The following NDOR1 variants were observed in gnomAD, a reference collection of about 807,000 sequenced individuals.
NDOR1 encodes the protein NADPH-dependent diflavin oxidoreductase 1.
A neutral mutation model predicts 67.2 loss-of-function variants in NDOR1; 61 were observed. That is an observed-to-expected ratio of 0.91 (90% CI 0.74 to 1.12). The LOEUF is 1.12. NDOR1 is among the 50% of genes most tolerant of loss of function. NDOR1 has a pLI of 0.00. For synonymous variants in NDOR1, 378 were observed against 343.7 expected, an observed-to-expected ratio of 1.10 and a Z score of -1.10; for missense variants, 878 against 802.8, an observed-to-expected ratio of 1.09 and a Z score of -1.13.
At chr9:137,211,327 A>C (rs1227834962) in intron 2 of NDOR1, among the ~76,000 whole-genome samples, 1 of 152,238 alleles carries the variant, frequency 6.6e-6, no homozygotes, top group Non-Finnish European at 1.5e-5. Context: ...CCCCATGCCC[A>C]GGAAGGGCCC....
rs1164088158 is a variant in NDOR1, at chr9:137,217,802, C to G, written c.*1386C>G. On this transcript the variant is annotated 3_prime_UTR_variant, in exon 14 of 14. Transcript: ENST00000684003. ...TGACTCCTGCCCCAGGGCCACCACCCCTGAACTGTGCCCTGGGGCCCCCAC... is the reference window on the plus strand; with the variant it reads ...TGACTCCTGCCCCAGGGCCACCACCGCTGAACTGTGCCCTGGGGCCCCCAC... The G allele has an allele frequency of 5.0e-6, 2 of 397,174 alleles. No homozygotes were observed. The highest frequency in any genetic ancestry group is 6.2e-4 in the Middle Eastern group (1 of 1,608). The allele number at this position is 397,174 out of a possible 1,614,324, so 24.6% of individuals were successfully genotyped here.
intron 2 of NDOR1, among the ~76,000 whole-genome samples, chr9:137,209,103 A>G (rs1358886319): frequency 2.6e-5 from 4 of 151,944 alleles, no homozygotes; most frequent in Non-Finnish European, 5.9e-5. Flanking sequence ...GGATGATCTC[A>G]ATCTCCTGAC....
rs1259047785 is a variant in NDOR1 at position 137,214,062 on chromosome 9, G to A, written c.506G>A (p.Gly169Glu). ...PPPGLTEIPP[G>E]VPLPSKFTLL... ...CCGGGCCTCACTGAGATCCCTCCCG[G>A]AGTCCCGTGAGTGTGGGCCCCGGGT... The change falls in exon 5 of 14, where the codon GGA (glycine) becomes GAA (glutamate). Residue 169 changes from glycine (G) to glutamate (E), a missense_variant. Transcript: ENST00000684003. 6.5e-7 allele frequency: 1 copy of A among 1,539,656 alleles called. No individual in the cohort carries two copies. Among genetic ancestry groups the A allele is most frequent in the South Asian group, 1.2e-5 (1 of 84,162 alleles).
In NDOR1 at chr9:137,214,815, A is replaced by G; in HGVS notation, c.862A>G (p.Arg288Gly). ...CCCTGCAGATGTCTCCTCCCCCACG[A>G]GGCTGCCCCAGCCCTGCTCCATGCG... ...PREPDVSSPT[R>G]LPQPCSMRHL... The change falls in exon 8 of 14, where the codon AGG becomes GGG. Residue 288 changes from arginine to glycine, a missense_variant. Coordinates refer to ENST00000684003, the MANE Select transcript of NDOR1 (RefSeq NM_014434.4). 6.2e-7 allele frequency: 1 copy of G among 1,604,600 alleles called. No individual in the cohort carries two copies. The highest frequency in any genetic ancestry group is 8.5e-7 in the Non-Finnish European group (1 of 1,178,548).
intron 2 of NDOR1, among the ~76,000 whole-genome samples, chr9:137,208,592 T>G (rs1033691835): frequency 6.6e-6 from 1 of 151,824 alleles, no homozygotes; most frequent in Non-Finnish European, 1.5e-5. Context: ...ATCCCAGCAA[T>G]TTGGGAGGCC....
chr9:137,212,755 G>T lies in NDOR1; in HGVS notation c.311+156G>T, dbSNP rs1018949973. 2.5e-5 allele frequency: 17 copies of T among 672,842 alleles called. No individual in the cohort carries two copies. In the East Asian group the frequency reaches 4.6e-4, roughly 18 times the overall value. The allele number at this position is 672,842 out of a possible 1,614,324, so 41.7% of individuals were successfully genotyped here. A position where few individuals can be genotyped will look rare whatever the true frequency, so the allele number is the denominator to read the frequency against. On this transcript the variant is annotated intron_variant, in intron 3 of 13. Transcript: ENST00000684003. This position sits in a 1 kb window ranked among gnomAD's most constrained non-coding sequence, Gnocchi z 4.3. ...GCTTCTCCACAACGCTCCCTGGTGGGCACCCCAGGCTTCACGCTGCGGGGA... is the reference window on the plus strand; with the variant it reads ...GCTTCTCCACAACGCTCCCTGGTGGTCACCCCAGGCTTCACGCTGCGGGGA...
At chr9:137,215,548 C>T (rs777635386) in intron 10 of NDOR1, 27 bp downstream of exon 10, 12 of 1,611,496 alleles carry the variant, frequency 7.4e-6, no homozygotes, top group East Asian at 2.2e-5. Context: ...GGGTGGGGGC[C>T]GTGGGCCCAT....
At chr9:137,210,451 C>T (rs1835200110) in intron 2 of NDOR1, among the ~76,000 whole-genome samples, 1 of 151,170 alleles carries the variant, frequency 6.6e-6, no homozygotes, top group Non-Finnish European at 1.5e-5. Flanking sequence ...CTCAAGCAGT[C>T]TGCCTGCCTC....
chr9:137,213,863 A>G lies in NDOR1; in HGVS notation c.395A>G (p.Asp132Gly). Residue 132 changes from aspartate (D) to glycine (G), a missense_variant, in exon 4 of 14, where the codon GAC (aspartate) becomes GGC (glycine). Transcript: ENST00000684003. The part of the protein sequence containing the change: ...SALLPVCLGD[D>G]QHELGPDAAV... ...CTCCTGCCCGTGTGCCTGGGCGATG[A>G]CCAGCATGAGCTGGGGTGAGTCTGC... 1 of 1,610,512 alleles carries G rather than the reference A, an allele frequency of 6.2e-7. No individual in the cohort carries two copies. Among genetic ancestry groups the G allele is most frequent in the Non-Finnish European group, 8.5e-7 (1 of 1,178,930 alleles).
chr9:137,215,384 C>T lies in NDOR1; in HGVS notation c.1174-23C>T, dbSNP rs763677047. ...GGTGAGGGCAGCCTTGTTCCACCAC[C>T]CCCACCCCGCCGTCCTCCCCAGACT... On this transcript the variant is annotated intron_variant, in intron 9 of 13. Coordinates refer to ENST00000684003, the MANE Select transcript of NDOR1 (RefSeq NM_014434.4). 1.9e-6 allele frequency: 3 copies of T among 1,564,426 alleles called. No individual in the cohort carries two copies. The African/African-American group carries it at 4.1e-5, about 21-fold the overall frequency.
In NDOR1 at chr9:137,212,960, T is replaced by C. The variant is rs1835334955; in HGVS notation, c.311+361T>C. 6.9e-6 allele frequency: 2 copies of C among 288,658 alleles called. No homozygotes were observed. Among genetic ancestry groups the C allele is most frequent in the African/African-American group, 2.2e-5 (1 of 46,500 alleles). The allele number at this position is 288,658 out of a possible 1,614,324, so 17.9% of individuals were successfully genotyped here. A position where few individuals can be genotyped will look rare whatever the true frequency, so the allele number is the denominator to read the frequency against. ...GCCACCCCAGAGGCCACCTCTGCCT[T>C]TTCTCCTGGGCATTTTCACAGTGCT... is the stretch of plus-strand genomic sequence containing the variant. On this transcript the variant is annotated intron_variant, in intron 3 of 13. Transcript: ENST00000684003. The surrounding 1 kb of genome is among the most constrained non-coding windows in gnomAD (Gnocchi z 4.3).
At chr9:137,214,457 G>C (rs768704351) in intron 6 of NDOR1, 44 bp downstream of exon 6, 3 of 1,544,974 alleles carry the variant, frequency 1.9e-6, no homozygotes. Flanking sequence ...GAGGTGGGCC[G>C]TGGGTCTGGG....
At chr9:137,206,113 C>T (rs972190130) in intron 1 of NDOR1, 119 bp from the exon 2 acceptor site, 89 of 1,461,848 alleles carry the variant, frequency 6.1e-5, no homozygotes, top group Non-Finnish European at 8.1e-5. Context: ...GACGGTCTGG[C>T]TGCTCACATA....
chr9:137,210,480 GT>G (rs1309200874), intron 2 of NDOR1, among the ~76,000 whole-genome samples: 1 of 152,012 alleles, frequency 6.6e-6, no homozygotes, highest in Non-Finnish European at 1.5e-5. Flanking sequence ...AAAGTGCTAG[GT>G]TTGCAGGTGT....
chr9:137,213,739 G>T (rs376138502), intron 3 of NDOR1, 41 bp from the exon 4 acceptor site: 5 of 1,588,696 alleles, frequency 3.1e-6, no homozygotes, highest in Admixed American at 3.5e-5. Flanking sequence ...ACCACTCTCC[G>T]CCCGGGCTCC....
chr9:137,205,869 G>T lies in NDOR1; in HGVS notation c.92G>T (p.Arg31Leu), dbSNP rs915906962. 1.9e-6 allele frequency: 3 copies of T among 1,600,012 alleles called. No homozygotes were observed. The highest frequency in any genetic ancestry group is 8.5e-7 in the Non-Finnish European group (1 of 1,178,258). ...SERLGREARR[R>L]RLGCRVQALD... is the part of the protein sequence containing the mutation. ...AGACTGGGTCGCGAGGCCCGGCGCC[G>T]GCGGCTTGGCTGCCGGGTGCAGGCC... is the stretch of plus-strand genomic sequence containing the variant. The change falls in exon 1 of 14, where the codon CGG becomes CTG. Residue 31 changes from arginine (R) to leucine (L), a missense_variant. Coordinates refer to ENST00000684003, the MANE Select transcript of NDOR1 (RefSeq NM_014434.4).
chr9:137,211,477 C>T (rs1480993451), intron 2 of NDOR1, among the ~76,000 whole-genome samples: 6 of 152,092 alleles, frequency 3.9e-5, no homozygotes, highest in African/African-American at 7.2e-5. Flanking sequence ...CAGACCCAGC[C>T]GCATGCCAGT....
Position 137,216,417 on chromosome 9 carries a change from G to C in NDOR1, c.*1G>C, listed in dbSNP as rs1477258920. ...CTTCCAGACAGAGACGTGGGCCTGA[G>C]GCCCGCGGCTGCCCGTGCCCCCTCT... On this transcript the variant is annotated 3_prime_UTR_variant, in exon 14 of 14. Coordinates refer to ENST00000684003, the MANE Select transcript of NDOR1 (RefSeq NM_014434.4). The C allele has an allele frequency of 9.4e-6, 15 of 1,598,688 alleles. No homozygotes were observed. Among genetic ancestry groups the C allele is most frequent in the Non-Finnish European group, 1.1e-5 (13 of 1,176,546 alleles).
Position 137,212,204 on chromosome 9 carries a change from G to A in NDOR1, c.214-298G>A, listed in dbSNP as rs981506585. On this transcript the variant is annotated intron_variant, in intron 2 of 13. Coordinates refer to ENST00000684003, the MANE Select transcript of NDOR1 (RefSeq NM_014434.4). The surrounding 1 kb of genome is among the most constrained non-coding windows in gnomAD (Gnocchi z 4.3). ...TCCTGGCAGCTCAGAGCCTGGGGCA[G>A]AGGAGGGTGATGTCCCAGGAAGGAA... Among the ~76,000 whole-genome samples the A allele has an allele frequency of 2.0e-5, 3 of 152,178 alleles. No individual in the cohort carries two copies. Among genetic ancestry groups the A allele is most frequent in the Admixed American group, 6.5e-5 (1 of 15,292 alleles).
Sources: allele counts gnomAD v4.1 joint callset (sites outside exome capture counted in the v4.1 genomes callset), GRCh38; gene constraint gnomAD v4.1.1; non-coding constraint Gnocchi (gnomAD v3.1); transcripts MANE v1.5; gene names NCBI Gene and HGNC (gene_info 2026-07-23, HGNC 2026-07-21).